The following DLGAP2 variants were observed in gnomAD, a reference collection of about 807,000 sequenced individuals.
DLGAP2 encodes the protein DLG associated protein 2, also known as disks large-associated protein 2.
In DLGAP2, 26 loss-of-function variants were observed where a neutral mutation model predicts 100.3. That is an observed-to-expected ratio of 0.26 (90% CI 0.19 to 0.36). The LOEUF (loss-of-function observed/expected upper bound fraction) is 0.36, where lower values mean the gene tolerates loss of function less well. Ranked by LOEUF, DLGAP2 falls within the 10% of genes least tolerant of loss-of-function variation. The probability of loss-of-function intolerance (pLI) is 1.00; values close to 1 mark genes in which losing one functional copy is unlikely to be tolerated. For missense variants in DLGAP2, 1,858 were observed against 1,453.2 expected, an observed-to-expected ratio of 1.28 and a Z score of -4.53; for synonymous variants, 886 against 630.1, an observed-to-expected ratio of 1.41 and a Z score of -6.08.
intron 2 of DLGAP2, among the ~76,000 whole-genome samples, chr8:1,105,616 G>A (rs1346114940): frequency 8.5e-5 from 4 of 47,246 alleles, no homozygotes; most frequent in African/African-American, 4.0e-4. Context: ...AGCCATTCTA[G>A]GGTTTTTTTT....
intron 2 of DLGAP2, among the ~76,000 whole-genome samples, chr8:1,165,217 G>C (rs13264381): frequency 0.33 from 47,377 of 144,384 alleles, 8,680 homozygotes; most frequent in Non-Finnish European, 0.42. Flanking sequence ...GGGGAGATGG[G>C]GGGGCGGGAG....
At position 940,159 on chromosome 8, in the gene DLGAP2, A is replaced by C. The variant is rs556730824; in HGVS notation, c.73+32193A>C. On this transcript the variant is annotated intron_variant, in intron 2 of 14. Transcript: ENST00000637795. ...GCCTGAAGACATGGCTTATGGCTTG[A>C]GTTTTACTACGTATTTGATGACTCT... Among the ~76,000 whole-genome samples the C allele has an allele frequency of 9.2e-5, 14 of 152,162 alleles. 1 individual carries two copies. The South Asian group carries it at 2.9e-3, about 32-fold the overall frequency.
At chr8:1,680,044 T>C (rs974247251) in intron 12 of DLGAP2, among the ~76,000 whole-genome samples, 2 of 151,404 alleles carry the variant, frequency 1.3e-5, no homozygotes, top group African/African-American at 2.4e-5. Context: ...CTGTATTTGA[T>C]TGACTTCTAA....
At chr8:1,110,342 A>C (rs1202088560) in intron 2 of DLGAP2, among the ~76,000 whole-genome samples, 1 of 69,598 alleles carries the variant, frequency 1.4e-5, no homozygotes, top group Non-Finnish European at 3.6e-5. Context: ...GGTCTGTGAC[A>C]TGTGCTGGGT....
chr8:1,524,638 T>C (rs1800727244), intron 4 of DLGAP2, among the ~76,000 whole-genome samples: 1 of 152,014 alleles, frequency 6.6e-6, no homozygotes, highest in South Asian at 2.1e-4. Context: ...TATCATCTTC[T>C]CAAAAAAATA....
At chr8:1,660,727 A>G (rs117987392) in intron 8 of DLGAP2, among the ~76,000 whole-genome samples, 2,319 of 152,348 alleles carry the variant, frequency 0.015, 32 homozygotes, top group South Asian at 0.032. Flanking sequence ...GGGATTAAAA[A>G]TATCCTACCA....
At chr8:894,285 C>T (rs533600357) in intron 1 of DLGAP2, among the ~76,000 whole-genome samples, 3 of 152,244 alleles carry the variant, frequency 2.0e-5, no homozygotes, top group East Asian at 1.9e-4. Context: ...CCAGCACGGT[C>T]GAGACATCTC....
chr8:938,106 C>T lies in DLGAP2; in HGVS notation c.73+30140C>T, dbSNP rs558128361. On this transcript the variant is annotated intron_variant, in intron 2 of 14. Transcript: ENST00000637795. ...GGGTGCTGCGCTTCCTGACTTAGGACATCAAACGTGCAGTGTGAGCTGCGG... is the reference window on the plus strand; with the variant it reads ...GGGTGCTGCGCTTCCTGACTTAGGATATCAAACGTGCAGTGTGAGCTGCGG... Among the ~76,000 whole-genome samples, 6 of 152,250 alleles carry T rather than the reference C, an allele frequency of 3.9e-5. No individual in the cohort carries two copies. In the South Asian group the frequency reaches 8.3e-4, roughly 21 times the overall value.
intron 1 of DLGAP2, among the ~76,000 whole-genome samples, chr8:796,295 G>T (rs1041800511): frequency 2.6e-4 from 40 of 152,170 alleles, no homozygotes; most frequent in African/African-American, 9.4e-4. Context: ...TGGACTTTGT[G>T]TCCCTGCTCT....
chr8:1,050,432 G>A (rs542923941), intron 2 of DLGAP2, among the ~76,000 whole-genome samples: 7 of 152,326 alleles, frequency 4.6e-5, no homozygotes, highest in South Asian at 2.1e-4. Flanking sequence ...AAGCTGATGC[G>A]TGTGTTCTGT....
At chr8:1,213,504 C>G (rs1227977825) in intron 2 of DLGAP2, among the ~76,000 whole-genome samples, 1 of 152,092 alleles carries the variant, frequency 6.6e-6, no homozygotes, top group Non-Finnish European at 1.5e-5. Flanking sequence ...TTAAATATTC[C>G]TGACTTTATA....
At chr8:1,193,181 T>C (rs1237241838) in intron 2 of DLGAP2, among the ~76,000 whole-genome samples, 1 of 152,186 alleles carries the variant, frequency 6.6e-6, no homozygotes, top group Non-Finnish European at 1.5e-5. Flanking sequence ...CCTTTGGGTA[T>C]ATAACCGGTA....
At chr8:1,575,643 A>C (rs1402387583) in intron 6 of DLGAP2, among the ~76,000 whole-genome samples, 1 of 108,000 alleles carries the variant, frequency 9.3e-6, no homozygotes, top group Non-Finnish European at 1.7e-5. Flanking sequence ...AACAGGCCCT[A>C]GTGTGTGATG....
chr8:1,602,064 G>A (rs1040200074), intron 6 of DLGAP2, among the ~76,000 whole-genome samples: 2 of 151,684 alleles, frequency 1.3e-5, no homozygotes, highest in Non-Finnish European at 2.9e-5. Context: ...TCCCAGACTT[G>A]GGCCATGCAA....
chr8:1,554,308 A>G (rs12334523), intron 5 of DLGAP2, among the ~76,000 whole-genome samples: 2 of 38,060 alleles, frequency 5.3e-5, no homozygotes, highest in East Asian at 1.3e-3. Flanking sequence ...AATTAATTAA[A>G]TAAATAAATA....
chr8:1,260,984 A>G (rs373785590), intron 3 of DLGAP2, among the ~76,000 whole-genome samples: 1 of 152,162 alleles, frequency 6.6e-6, no homozygotes. Flanking sequence ...TATCACACAT[A>G]CTGTCGGCTC....
chr8:1,557,703 C>T (rs1029928103), intron 5 of DLGAP2, among the ~76,000 whole-genome samples: 2 of 152,170 alleles, frequency 1.3e-5, no homozygotes, highest in Non-Finnish European at 2.9e-5. Context: ...AGGCCAGCTC[C>T]TGCTGAGCCT....
At chr8:1,574,356 G>A (rs1802877917) in intron 6 of DLGAP2, among the ~76,000 whole-genome samples, 2 of 152,034 alleles carry the variant, frequency 1.3e-5, no homozygotes, top group East Asian at 1.9e-4. Flanking sequence ...CCCAGCCCTC[G>A]CCGCTCTGGT....
At chr8:1,238,500 G>A (rs372262850) in intron 2 of DLGAP2, among the ~76,000 whole-genome samples, 8 of 130,378 alleles carry the variant, frequency 6.1e-5, no homozygotes, top group East Asian at 2.2e-4. Flanking sequence ...CTCACATGGC[G>A]CCGTGTCTAG....
Sources: gnomAD v4.1 joint callset for allele counts (sites outside exome capture counted in the v4.1 genomes callset) on GRCh38, gnomAD v4.1.1 for gene constraint, MANE v1.5 for transcripts, NCBI Gene and HGNC (gene_info 2026-07-23, HGNC 2026-07-21) for gene names.